Variants in PTPRD observed in about 807,000 individuals in gnomAD.
PTPRD encodes the protein receptor-type tyrosine-protein phosphatase delta.
Under a neutral mutation model 214.5 loss-of-function variants are expected in PTPRD, and 34 were observed. The observed-to-expected ratio is 0.16, with a 90% CI of 0.12 to 0.21. The LOEUF is 0.21. Ranked by LOEUF, PTPRD falls within the 10% of genes least tolerant of loss-of-function variation. PTPRD has a pLI of 1.00. For synonymous variants in PTPRD, 1,128 were observed against 845.7 expected (o/e 1.33, Z -5.79); for missense variants, 2,545 against 2,398.7 (o/e 1.06, Z -1.27).
chr9:8,948,590 C>T (rs1395841150), intron 11 of PTPRD, among the ~76,000 whole-genome samples: 3 of 112,666 alleles, frequency 2.7e-5, no homozygotes, highest in African/African-American at 1.0e-4. Context: ...CACACACACA[C>T]AATGAAACGA....
rs374408545 is a variant in PTPRD, at chr9:9,698,051, T to C, written c.-287+36482A>G. Among the ~76,000 whole-genome samples, 11 of 152,330 alleles carry C rather than the reference T, an allele frequency of 7.2e-5. No individual in the cohort carries two copies. In the East Asian group the frequency reaches 1.5e-3, roughly 21 times the overall value. ...TGATAAATTTTTGACTTTTATTCTG[T>C]GTTATTTTGGAAATTAATGAGTTTC... On this transcript the variant is annotated intron_variant, in intron 7 of 45. Coordinates refer to ENST00000381196, the MANE Select transcript of PTPRD (RefSeq NM_002839.4).
At chr9:9,367,315 C>A (rs919178134) in intron 9 of PTPRD, among the ~76,000 whole-genome samples, 2 of 151,340 alleles carry the variant, frequency 1.3e-5, no homozygotes, top group Admixed American at 1.3e-4. Context: ...TCAAGGACAT[C>A]AGATTTTAGT....
At chr9:9,546,551 A>C (rs1426909984) in intron 8 of PTPRD, among the ~76,000 whole-genome samples, 1 of 151,718 alleles carries the variant, frequency 6.6e-6, no homozygotes, top group Non-Finnish European at 1.5e-5. Flanking sequence ...TTACCTCTCT[A>C]GTAGTGACCA....
intron 9 of PTPRD, among the ~76,000 whole-genome samples, chr9:9,256,112 T>A (rs1594665650): frequency 6.6e-6 from 1 of 151,996 alleles, no homozygotes. Context: ...AAAAACTAGG[T>A]CTGGAGAAGA....
At chr9:8,986,196 G>A (rs200261626) in intron 11 of PTPRD, among the ~76,000 whole-genome samples, 1 of 151,932 alleles carries the variant, frequency 6.6e-6, no homozygotes, top group Admixed American at 6.6e-5. Flanking sequence ...TTTGCTACAG[G>A]TATCTGTTTC....
intron 4 of PTPRD, among the ~76,000 whole-genome samples, chr9:9,991,212 G>T (rs931725653): frequency 1.3e-5 from 2 of 152,050 alleles, no homozygotes; most frequent in African/African-American, 4.8e-5. Context: ...GGTATTACAG[G>T]CATGAGCCAC....
In PTPRD at chr9:9,181,518, T is replaced by C. The variant is rs1205030655; in HGVS notation, c.-143+1786A>G. 6.6e-5 allele frequency among the ~76,000 whole-genome samples: 10 copies of C among 151,990 alleles called. No homozygotes were observed. In the Admixed American group the frequency reaches 6.6e-4, roughly 10 times the overall value. ...AATAACATCTACAAACAAATTTATG[T>C]ACCTCCTACTGTGTCAAATAGTATT... On this transcript the variant is annotated intron_variant, in intron 10 of 45. Transcript: ENST00000381196.
intron 8 of PTPRD, among the ~76,000 whole-genome samples, chr9:9,430,752 A>G (rs1051825716): frequency 1.3e-5 from 2 of 152,176 alleles, no homozygotes; most frequent in Non-Finnish European, 2.9e-5. Flanking sequence ...AATACCACAC[A>G]TCTACAACCA....
chr9:9,799,369 A>C (rs565135489), intron 5 of PTPRD: 1 of 152,336 alleles, frequency 6.6e-6, no homozygotes, highest in South Asian at 2.1e-4. Flanking sequence ...AAGTCTTCAG[A>C]GTTCAGAATG....
At chr9:9,973,689 G>C (rs552310626) in intron 4 of PTPRD, among the ~76,000 whole-genome samples, 13 of 152,240 alleles carry the variant, frequency 8.5e-5, no homozygotes, top group Admixed American at 2.0e-4. Context: ...GTCTTCTGTG[G>C]GAATTTTAGA....
intron 7 of PTPRD, among the ~76,000 whole-genome samples, chr9:9,655,572 G>C (rs1365029281): frequency 2.9e-5 from 3 of 103,298 alleles, no homozygotes; most frequent in African/African-American, 1.6e-4. Context: ...CCATCTCAAA[G>C]GGAAAACCAA....
chr9:10,422,709 C>G (rs188468154), intron 2 of PTPRD, among the ~76,000 whole-genome samples: 1 of 152,170 alleles, frequency 6.6e-6, no homozygotes, highest in African/African-American at 2.4e-5. Context: ...AAAAAGTGCT[C>G]GTCATCACTG....
chr9:9,243,787 C>A (rs1372260077), intron 9 of PTPRD, among the ~76,000 whole-genome samples: 4 of 152,204 alleles, frequency 2.6e-5, no homozygotes, highest in Non-Finnish European at 4.4e-5. Flanking sequence ...AAGTTCTGGC[C>A]AGGGCTATCA....
At chr9:8,975,476 G>T (rs2099263241) in intron 11 of PTPRD, among the ~76,000 whole-genome samples, 3 of 152,030 alleles carry the variant, frequency 2.0e-5, no homozygotes, top group Admixed American at 1.3e-4. Context: ...GATCTACCTT[G>T]TCTATTTAAT....
intron 10 of PTPRD, among the ~76,000 whole-genome samples, chr9:9,164,560 T>C (rs969733248): frequency 1.3e-5 from 2 of 152,154 alleles, no homozygotes; most frequent in African/African-American, 4.8e-5. Context: ...CTGCCTTTCA[T>C]ACTTGTTTAA....
intron 11 of PTPRD, among the ~76,000 whole-genome samples, chr9:8,759,266 G>A (rs971626360): frequency 1.9e-4 from 29 of 152,050 alleles, no homozygotes; most frequent in African/African-American, 6.8e-4. Flanking sequence ...TGATCAGGCT[G>A]ATGTTGAACT....
intron 4 of PTPRD, among the ~76,000 whole-genome samples, chr9:9,962,329 A>T (rs2094419989): frequency 6.6e-6 from 1 of 152,106 alleles, no homozygotes; most frequent in Non-Finnish European, 1.5e-5. Context: ...TTATAGAGAA[A>T]CACAATAAAG....
rs115629997 is a variant in PTPRD, at chr9:9,111,659, C to T, written c.-143+71645G>A. Among the ~76,000 whole-genome samples the T allele has an allele frequency of 8.7e-3, 1,330 of 152,162 alleles. 16 individuals carry two copies. The highest frequency in any genetic ancestry group is 0.03 in the African/African-American group (1,246 of 41,536). ...AACAGTTTTGCCCAAGGGTCTGTGG[C>T]CTTTTGCTCAAATGTTTTCAGAGGC... is the stretch of plus-strand genomic sequence containing the variant. On this transcript the variant is annotated intron_variant, in intron 10 of 45. Coordinates refer to ENST00000381196, the MANE Select transcript of PTPRD (RefSeq NM_002839.4).
chr9:9,536,582 C>G (rs1369067828), intron 8 of PTPRD, among the ~76,000 whole-genome samples: 1 of 151,994 alleles, frequency 6.6e-6, no homozygotes. Flanking sequence ...CTGGGCTGGA[C>G]AGAGCAATAT....
Sources: allele counts gnomAD v4.1 joint callset (sites outside exome capture counted in the v4.1 genomes callset), GRCh38; gene constraint gnomAD v4.1.1; transcripts MANE v1.5; gene names NCBI Gene and HGNC (gene_info 2026-07-23, HGNC 2026-07-21).